Variants in ELAVL2 observed in about 807,000 individuals in gnomAD.
The protein encoded by ELAVL2 is ELAV like RNA binding protein 2.
ELAVL2 carries 4 observed loss-of-function variants against 34.6 expected under a neutral mutation model. That is an observed-to-expected ratio of 0.12 (90% confidence interval 0.06 to 0.26). The LOEUF is 0.26. ELAVL2 is among the 10% of genes least tolerant of loss of function. ELAVL2 has a pLI of 1.00. For missense variants in ELAVL2, 432 were observed against 442.8 expected (o/e 0.98, Z 0.22); for synonymous variants, 193 against 154.8 (o/e 1.25, Z -1.83).
chr9:23,718,496 A>G (rs1439160784), intron 3 of ELAVL2, among the ~76,000 whole-genome samples: 1 of 152,198 alleles, frequency 6.6e-6, no homozygotes, highest in East Asian at 1.9e-4. Context: ...TTAAAAATTT[A>G]AAAAGCAGTA....
intron 1 of ELAVL2, among the ~76,000 whole-genome samples, chr9:23,764,469 G>A (rs548177026): frequency 2.0e-5 from 3 of 152,184 alleles, no homozygotes; most frequent in South Asian, 2.1e-4. Context: ...CATCTGCTCA[G>A]AATAAAATGA....
intron 2 of ELAVL2, among the ~76,000 whole-genome samples, chr9:23,759,767 TATATATATATATATATATATATAA>T (rs2054498200): frequency 7.5e-6 from 1 of 133,640 alleles, no homozygotes; most frequent in South Asian, 2.4e-4. Flanking sequence ...TATATATATA[TATATATATATATATATATATATAA>T]TGTATAGAAA....
intron 2 of ELAVL2, among the ~76,000 whole-genome samples, chr9:23,736,278 T>C (rs1159835588): frequency 6.6e-6 from 1 of 151,880 alleles, no homozygotes; most frequent in Non-Finnish European, 1.5e-5. Flanking sequence ...ATTTTGTATT[T>C]AAAAAAAACA....
At chr9:23,753,710 G>A (rs1049726347) in intron 2 of ELAVL2, among the ~76,000 whole-genome samples, 1 of 151,934 alleles carries the variant, frequency 6.6e-6, no homozygotes, top group African/African-American at 2.4e-5. Context: ...TACGACAAGC[G>A]CTTAAATTGA....
intron 3 of ELAVL2, among the ~76,000 whole-genome samples, chr9:23,720,186 T>A (rs569090370): frequency 6.6e-6 from 1 of 151,580 alleles, no homozygotes; most frequent in East Asian, 2.0e-4. Flanking sequence ...CACCTTTTTT[T>A]TTTGAGACAG....
At position 23,747,154 on chromosome 9, in the gene ELAVL2, T is replaced by C. The variant is rs114521857; in HGVS notation, c.229+14852A>G. ...AGATAGTACTGAATCCAACATAATA[T>C]ACACTACTTTTTTTTTTCCGATCTG... On this transcript the variant is annotated intron_variant, in intron 2 of 6. Coordinates refer to ENST00000397312, the MANE Select transcript of ELAVL2 (RefSeq NM_004432.5). Among the ~76,000 whole-genome samples the C allele has an allele frequency of 2.1e-3, 309 of 149,212 alleles. 4 individuals are homozygous for C. Among genetic ancestry groups the C allele is most frequent in the African/African-American group, 7.3e-3 (294 of 40,076 alleles).
chr9:23,772,534 CA>C (rs11450267), intron 1 of ELAVL2, among the ~76,000 whole-genome samples: 893 of 67,640 alleles, frequency 0.013, 3 homozygotes, highest in African/African-American at 0.034. Flanking sequence ...CAGCTTACAC[CA>C]AAAAAAAAAA....
chr9:23,709,385 G>A (rs2133575143), intron 3 of ELAVL2, among the ~76,000 whole-genome samples: 1 of 152,198 alleles, frequency 6.6e-6, no homozygotes, highest in Middle Eastern at 3.4e-3. Context: ...CTCACACTCT[G>A]GAGATCAAAT....
upstream of ELAVL2, chr9:23,829,619 TAC>T (rs1429432721): frequency 2.6e-5 from 4 of 152,198 alleles, no homozygotes; most frequent in Non-Finnish European, 5.9e-5. Flanking sequence ...GCATGAGAAA[TAC>T]AGATATCATA....
intron 2 of ELAVL2, among the ~76,000 whole-genome samples, chr9:23,750,150 T>G (rs1588077014): frequency 6.6e-6 from 1 of 152,194 alleles, no homozygotes; most frequent in East Asian, 1.9e-4. Context: ...CTATAAGCAT[T>G]CAGAGAACTA....
chr9:23,708,548 A>C (rs1365065361), intron 3 of ELAVL2, among the ~76,000 whole-genome samples: 4 of 152,120 alleles, frequency 2.6e-5, no homozygotes, highest in African/African-American at 9.7e-5. Context: ...AGTTGGGAAA[A>C]ATTAAATGAA....
At chr9:23,787,189 G>A (rs1249280064) in intron 1 of ELAVL2, among the ~76,000 whole-genome samples, 1 of 152,032 alleles carries the variant, frequency 6.6e-6, no homozygotes, top group Non-Finnish European at 1.5e-5. Flanking sequence ...GCTAGGCCAT[G>A]CTCTAAGCCG....
chr9:23,806,307 T>A (rs549487865), intron 1 of ELAVL2, among the ~76,000 whole-genome samples: 115 of 152,228 alleles, frequency 7.6e-4, no homozygotes, highest in African/African-American at 2.7e-3. Flanking sequence ...ATAATTTTAA[T>A]CTTCATTTTA....
intron 1 of ELAVL2, among the ~76,000 whole-genome samples, chr9:23,814,961 A>G (rs7873835): frequency 0.012 from 1,798 of 152,242 alleles, 26 homozygotes; most frequent in Middle Eastern, 0.044. Flanking sequence ...AAGAATAAAA[A>G]AAGTGCTAAA....
At chr9:23,755,216 A>G (rs1307594440) in intron 2 of ELAVL2, among the ~76,000 whole-genome samples, 1 of 152,154 alleles carries the variant, frequency 6.6e-6, no homozygotes, top group African/African-American at 2.4e-5. Context: ...ACAAAAGAGG[A>G]CAGAAGTTGT....
chr9:23,729,713 T>C (rs1232175146), intron 3 of ELAVL2, among the ~76,000 whole-genome samples: 3 of 152,088 alleles, frequency 2.0e-5, no homozygotes, highest in Non-Finnish European at 4.4e-5. Context: ...GGAACCACTA[T>C]ATACTTTCAT....
rs1587101210 is a variant in ELAVL2, at chr9:23,690,882, A to G, written c.*1675T>C. 3 of 152,544 alleles carry G rather than the reference A, an allele frequency of 2.0e-5. No homozygotes were observed. The highest frequency in any genetic ancestry group is 7.2e-5 in the African/African-American group (3 of 41,426). The allele number at this position is 152,544 out of a possible 1,614,324, so 9.4% of individuals were successfully genotyped here. The stretch of plus-strand genomic sequence containing the variant: ...GTATTTTTTAAAATTTCTTTCATAC[A>G]TGGTAAAGACTTATTTTATTATTTC... On this transcript the variant is annotated 3_prime_UTR_variant, in exon 7 of 7. Transcript: ENST00000397312.
intron 3 of ELAVL2, among the ~76,000 whole-genome samples, chr9:23,724,807 T>C (rs2044654993): frequency 6.6e-6 from 1 of 152,158 alleles, no homozygotes; most frequent in Admixed American, 6.5e-5. Context: ...CTGTATTTTT[T>C]AAAAGGCAGA....
At chr9:23,838,534 C>G in the ELAVL2 span, among the ~76,000 whole-genome samples, 1 of 152,102 alleles carries the variant, frequency 6.6e-6, no homozygotes. Flanking sequence ...TCAGAAATTG[C>G]TCTACCATTT....
Sources: gnomAD v4.1 joint callset for allele counts (sites outside exome capture counted in the v4.1 genomes callset) on GRCh38, gnomAD v4.1.1 for gene constraint, MANE v1.5 for transcripts, NCBI Gene and HGNC (gene_info 2026-07-23, HGNC 2026-07-21) for gene names.